Variants in DGKI observed in about 807,000 individuals in gnomAD.
The protein encoded by DGKI is diacylglycerol kinase iota.
Under a neutral mutation model 147.5 loss-of-function variants are expected in DGKI, and 55 were observed. That is an observed-to-expected ratio of 0.37 (90% confidence interval 0.30 to 0.47). The LOEUF is 0.47. DGKI is among the 20% of genes least tolerant of loss of function. The pLI is 1.00. For synonymous variants in DGKI, 469 were observed against 477.1 expected (o/e 0.98, Z 0.22); for missense variants, 1,007 against 1,323.8 (o/e 0.76, Z 3.71).
chr7:137,438,501 A>C (rs1813369394), intron 28 of DGKI, among the ~76,000 whole-genome samples: 1 of 152,110 alleles, frequency 6.6e-6, no homozygotes, highest in Non-Finnish European at 1.5e-5. Context: ...TAAAATGATC[A>C]CTCTGGAAAA....
intron 28 of DGKI, among the ~76,000 whole-genome samples, chr7:137,419,064 GACTCTTGTTTCATTT>G (rs1812462836): frequency 6.6e-6 from 1 of 152,146 alleles, no homozygotes. Context: ...AGAGACAAAG[GACTCTTGTTTCATTT>G]ACTTGCCTCC....
intron 27 of DGKI, among the ~76,000 whole-genome samples, chr7:137,448,890 T>C (rs1206576530): frequency 1.3e-5 from 2 of 152,186 alleles, no homozygotes; most frequent in Non-Finnish European, 2.9e-5. Flanking sequence ...ACTTGTGGCT[T>C]TTTCCACTGT....
chr7:137,548,886 G>A (rs1041591435), intron 20 of DGKI, among the ~76,000 whole-genome samples: 23 of 152,126 alleles, frequency 1.5e-4, no homozygotes, highest in Admixed American at 6.5e-4. Flanking sequence ...ACTTGAACCC[G>A]GGAGGCGGAG....
intron 1 of DGKI, among the ~76,000 whole-genome samples, chr7:137,742,031 T>C (rs1229170079): frequency 1.3e-5 from 2 of 152,226 alleles, no homozygotes; most frequent in Non-Finnish European, 2.9e-5. Flanking sequence ...AGTGCCTGAC[T>C]CCTAGTTTCT....
intron 1 of DGKI, among the ~76,000 whole-genome samples, chr7:137,693,136 T>G (rs1206883143): frequency 6.6e-6 from 1 of 152,236 alleles, no homozygotes; most frequent in East Asian, 1.9e-4. Context: ...TTTTTCTATT[T>G]GAATTTATCT....
In DGKI at chr7:137,689,988, C is replaced by T. The variant is rs752713052; in HGVS notation, c.416G>A (p.Arg139Gln). 16 of 1,595,690 alleles carry T rather than the reference C, an allele frequency of 1.0e-5. No homozygotes were observed. Among genetic ancestry groups the T allele is most frequent in the South Asian group, 2.3e-5 (2 of 88,128 alleles). ...AGGAGCCAGATGCTGGAGGCCTGCC[C>T]GGGAGATTGCTTTCCTGCAGCAAGA... The part of the protein sequence containing the change: ...KQVSYRKAIS[R>Q]AGLQHLAPAH... The change falls in exon 2 of 33, where the codon CGG (arginine) becomes CAG (glutamine). Residue 139 changes from arginine to glutamine, a missense_variant. Physicochemically the swap from Arg to Gln is conservative, Grantham distance 43. Coordinates refer to ENST00000614521, the MANE Select transcript of DGKI (RefSeq NM_001321708.2).
chr7:137,809,688 C>G (rs1231361979), intron 1 of DGKI, among the ~76,000 whole-genome samples: 4 of 152,098 alleles, frequency 2.6e-5, no homozygotes, highest in Non-Finnish European at 5.9e-5. Flanking sequence ...AGGCAGATTG[C>G]TTAAGCTCAG....
At chr7:137,438,013 C>T (rs1259760381) in intron 28 of DGKI, among the ~76,000 whole-genome samples, 2 of 152,064 alleles carry the variant, frequency 1.3e-5, no homozygotes, top group East Asian at 3.9e-4. Context: ...TATGATTATG[C>T]TTTGAAAGAT....
At chr7:137,657,734 T>C in intron 3 of DGKI, among the ~76,000 whole-genome samples, 1 of 152,206 alleles carries the variant, frequency 6.6e-6, no homozygotes, top group South Asian at 2.1e-4. Context: ...TTTCCCCTGC[T>C]GAGGTATAAT....
At chr7:137,537,444 A>AT (rs1662918122) in intron 20 of DGKI, among the ~76,000 whole-genome samples, 2 of 152,134 alleles carry the variant, frequency 1.3e-5, no homozygotes, top group African/African-American at 2.4e-5. Flanking sequence ...ATGGAAATCC[A>AT]TCAGAAAATA....
intron 20 of DGKI, among the ~76,000 whole-genome samples, chr7:137,549,330 A>G (rs926793007): frequency 3.3e-5 from 5 of 152,236 alleles, no homozygotes; most frequent in African/African-American, 1.2e-4. Flanking sequence ...TCTCCCAGAG[A>G]AAGGGCAGAA....
At chr7:137,643,402 A>G (rs376786854) in intron 6 of DGKI, among the ~76,000 whole-genome samples, 5 of 151,960 alleles carry the variant, frequency 3.3e-5, no homozygotes, top group Admixed American at 6.6e-5. Context: ...TCATTACTTA[A>G]TCTGTAAATG....
intron 19 of DGKI, among the ~76,000 whole-genome samples, chr7:137,569,469 C>T (rs1317574501): frequency 6.6e-6 from 1 of 151,916 alleles, no homozygotes; most frequent in African/African-American, 2.4e-5. Context: ...TGGCTCACGC[C>T]TGTAATCCCA....
At chr7:137,595,548 G>A (rs758638805) in intron 12 of DGKI, among the ~76,000 whole-genome samples, 1 of 151,934 alleles carries the variant, frequency 6.6e-6, no homozygotes, top group Admixed American at 6.6e-5. Flanking sequence ...CTTTGGCTCC[G>A]GACCCATAAT....
In DGKI at chr7:137,555,698, T is replaced by C. The variant is rs1818201605; in HGVS notation, c.1948-3130A>G. Among the ~76,000 whole-genome samples the C allele has an allele frequency of 3.3e-5, 5 of 152,002 alleles. No individual in the cohort carries two copies. In the South Asian group the frequency reaches 8.3e-4, roughly 25 times the overall value. ...TGGTGTAATAAATACAGAAATTAAA[T>C]AGATTAGGGCTATTTTAAAAATTGA... On this transcript the variant is annotated intron_variant, in intron 19 of 32. Coordinates refer to ENST00000614521, the MANE Select transcript of DGKI (RefSeq NM_001321708.2).
At chr7:137,539,074 A>G (rs1817607447) in intron 20 of DGKI, among the ~76,000 whole-genome samples, 2 of 152,050 alleles carry the variant, frequency 1.3e-5, no homozygotes, top group African/African-American at 2.4e-5. Flanking sequence ...ATTTTCTCCC[A>G]CTACACTACT....
chr7:137,472,368 A>AATTATTATATGTATATATACAT (rs1563040342), intron 23 of DGKI, among the ~76,000 whole-genome samples: 4 of 19,074 alleles, frequency 2.1e-4, no homozygotes, highest in Non-Finnish European at 4.3e-4. Context: ...ATATACATAT[A>AATTATTATATGTATATATACAT]ATTATTATAT....
chr7:137,794,205 G>A (rs62490515), intron 1 of DGKI, among the ~76,000 whole-genome samples: 9 of 152,090 alleles, frequency 5.9e-5, no homozygotes, highest in Non-Finnish European at 8.8e-5. Context: ...TGCATGACAC[G>A]CATTCACTTT....
chr7:137,797,221 G>A (rs984298855), intron 1 of DGKI, among the ~76,000 whole-genome samples: 7 of 152,168 alleles, frequency 4.6e-5, no homozygotes, highest in African/African-American at 1.7e-4. Context: ...CAAATTTTAT[G>A]AGAAATTAAG....
Sources: allele counts gnomAD v4.1 joint callset (sites outside exome capture counted in the v4.1 genomes callset), GRCh38; gene constraint gnomAD v4.1.1; transcripts MANE v1.5; gene names NCBI Gene and HGNC (gene_info 2026-07-23, HGNC 2026-07-21).